ANAPC7: variants seen among roughly 807,000 people sequenced by gnomAD.
ANAPC7 encodes the protein anaphase promoting complex subunit 7.
Under a neutral mutation model 63.3 loss-of-function variants are expected in ANAPC7, and 25 were observed. The ratio of observed to expected loss-of-function variants is 0.39; its 90% CI spans 0.29 to 0.55. The LOEUF (loss-of-function observed/expected upper bound fraction) is 0.55, where lower values mean the gene tolerates loss of function less well. Among genes scored for constraint, ANAPC7 ranks in the 20% least tolerant of loss-of-function variants. The pLI, the probability that ANAPC7 is intolerant of heterozygous loss-of-function variation, is 0.57. For missense variants in ANAPC7, 516 were observed against 691.7 expected (o/e 0.75, Z 2.85); for synonymous variants, 241 against 251.7 (o/e 0.96, Z 0.40).
intron 5 of ANAPC7, chr12:110,387,383 CAGAGAGAG>C (rs1252832527): frequency 0.038 from 513 of 13,582 alleles, 14 homozygotes; most frequent in Middle Eastern, 0.083. Flanking sequence ...GAGAGAGAGA[CAGAGAGAG>C]AGAGAGAGAG....
intron 1 of ANAPC7, among the ~76,000 whole-genome samples, chr12:110,402,690 G>A (rs1163362745): frequency 6.6e-6 from 1 of 152,000 alleles, no homozygotes; most frequent in Non-Finnish European, 1.5e-5. Context: ...TCAGCTCAGT[G>A]CTTCAAGGAA....
At chr12:110,382,459 A>T (rs867958945) in intron 7 of ANAPC7, among the ~76,000 whole-genome samples, 6,936 of 47,020 alleles carry the variant, frequency 0.15, 451 homozygotes, top group African/African-American at 0.17. Context: ...AAAAAAAAAA[A>T]AAATATATAT....
intron 1 of ANAPC7, among the ~76,000 whole-genome samples, chr12:110,397,194 G>A (rs921082093): frequency 2.0e-5 from 3 of 150,574 alleles, no homozygotes; most frequent in East Asian, 2.0e-4. Context: ...GCCAGACTCC[G>A]TCTCAACAAC....
At chr12:110,391,214 C>T (rs1055075010) in intron 3 of ANAPC7, among the ~76,000 whole-genome samples, 1 of 151,972 alleles carries the variant, frequency 6.6e-6, no homozygotes. Context: ...AAAAAGTCAA[C>T]TATTTTAAAA....
In ANAPC7 at chr12:110,374,084, T is replaced by C; in HGVS notation, c.*60A>G. 1 of 1,497,992 alleles carries C rather than the reference T, an allele frequency of 6.7e-7. No individual in the cohort carries two copies. Among genetic ancestry groups the C allele is most frequent in the Non-Finnish European group, 8.9e-7 (1 of 1,124,408 alleles). 92.8% of individuals were successfully genotyped at this position (1,497,992 alleles called of 1,614,324 possible). On this transcript the variant is annotated 3_prime_UTR_variant, in exon 11 of 11. Transcript: ENST00000455511. ...CTGAGAGCAGGCTCCTACGGTTCCT[T>C]CAGTCCACGGAAGTGCTCAGAGCAG...
At chr12:110,382,172 T>C (rs1373094225) in intron 7 of ANAPC7, among the ~76,000 whole-genome samples, 1 of 151,488 alleles carries the variant, frequency 6.6e-6, no homozygotes, top group Non-Finnish European at 1.5e-5. Flanking sequence ...AGAAAAATTA[T>C]GAAAAAGAAC....
At chr12:110,396,135 C>T in intron 2 of ANAPC7, 131 bp downstream of exon 2, 3 of 758,388 alleles carry the variant, frequency 4.0e-6, no homozygotes, top group Non-Finnish European at 6.5e-6. Context: ...ATTCACTAGC[C>T]CTCCACCCAC....
chr12:110,387,335 G>GAGAGAGAGAGAGAGAGA (rs1566269122), intron 5 of ANAPC7: 4 of 22,220 alleles, frequency 1.8e-4, no homozygotes, highest in Non-Finnish European at 3.2e-4. Flanking sequence ...GAGAGAGAGA[G>GAGAGAGAGAGAGAGAGA]GCAGAGAGAG....
At chr12:110,389,349 AG>A (rs1482497139) in intron 3 of ANAPC7, among the ~76,000 whole-genome samples, 2 of 152,238 alleles carry the variant, frequency 1.3e-5, no homozygotes, top group Non-Finnish European at 1.5e-5. Flanking sequence ...CTAGTTAAGA[AG>A]GATCAGCTCA....
chr12:110,386,281 C>T, intron 6 of ANAPC7, 46 bp downstream of exon 6: 2 of 1,606,904 alleles, frequency 1.2e-6, no homozygotes, highest in Non-Finnish European at 1.7e-6. Context: ...TATCTCTGAT[C>T]CCCCCCAACA....
intron 3 of ANAPC7, among the ~76,000 whole-genome samples, chr12:110,389,656 G>A (rs1202926697): frequency 6.6e-6 from 1 of 152,164 alleles, no homozygotes; most frequent in Non-Finnish European, 1.5e-5. Context: ...TTCTGGCCGG[G>A]CGCAGTGGCT....
intron 3 of ANAPC7, among the ~76,000 whole-genome samples, chr12:110,394,799 T>A (rs905850349): frequency 6.6e-6 from 1 of 151,412 alleles, no homozygotes; most frequent in African/African-American, 2.4e-5. Context: ...TGAGCCAGGA[T>A]CACAACACTG....
In ANAPC7 at chr12:110,374,208, A is replaced by G; in HGVS notation, c.1634T>C (p.Leu545Pro). Reference protein sequence around the residue: ...DMEGSGEEGDLEGSDSEAAQW... With the variant: ...DMEGSGEEGDPEGSDSEAAQW... ...GGCCGCCTCACTGTCGCTGCCCTCC[A>G]GGTCCCCTTCTTCCCCACTCCCTTC... is the stretch of plus-strand genomic sequence containing the variant. The change falls in exon 11 of 11, where the codon CTG becomes CCG. Residue 545 changes from leucine (L) to proline (P), a missense_variant. Around this residue, in one of 4 missense-constraint regions of ANAPC7, gnomAD observed 122 missense variants for 212.0 expected, o/e 0.58. Transcript: ENST00000455511. The G allele has an allele frequency of 6.2e-7, 1 of 1,613,980 alleles. No homozygotes were observed. The highest frequency in any genetic ancestry group is 8.5e-7 in the Non-Finnish European group (1 of 1,180,004).
At position 110,374,340 on chromosome 12, in the gene ANAPC7, G is replaced by T; in HGVS notation, c.1509-7C>A. 6.2e-7 allele frequency: 1 copy of T among 1,613,096 alleles called. No homozygotes were observed. The highest frequency in any genetic ancestry group is 8.5e-7 in the Non-Finnish European group (1 of 1,179,344). On this transcript the variant is annotated splice_region_variant and splice_polypyrimidine_tract_variant and intron_variant, in intron 10 of 10. Coordinates refer to ENST00000455511, the MANE Select transcript of ANAPC7 (RefSeq NM_016238.3). ...CTGGTCATTGGGGTCCAAACTAGGGGACAACAAAACAAAGGAGAGGCCTGA... is the reference window on the plus strand; with the variant it reads ...CTGGTCATTGGGGTCCAAACTAGGGTACAACAAAACAAAGGAGAGGCCTGA...
At chr12:110,383,092 A>C in intron 6 of ANAPC7, 132 bp from the exon 7 acceptor site, 4 of 604,724 alleles carry the variant, frequency 6.6e-6, no homozygotes, top group Non-Finnish European at 8.7e-6. Context: ...CCTTTCCACC[A>C]TCACAGGCTC....
intron 1 of ANAPC7, among the ~76,000 whole-genome samples, chr12:110,403,039 G>A (rs1247195422): frequency 6.6e-6 from 1 of 152,200 alleles, no homozygotes; most frequent in Non-Finnish European, 1.5e-5. Context: ...ACCGCGCCCG[G>A]CCCCGTTTTC....
chr12:110,377,585 T>C lies in ANAPC7; in HGVS notation c.1165A>G (p.Ile389Val). The change falls in exon 9 of 11, where the codon ATT becomes GTT. Residue 389 changes from isoleucine (I) to valine (V), a missense_variant. Physicochemically the swap from Ile to Val is conservative, Grantham distance 29. Around this residue, in one of 4 missense-constraint regions of ANAPC7, gnomAD observed 199 missense variants for 249.3 expected, o/e 0.80. Transcript: ENST00000455511. ...LIECYLASNS[I>V]REAMVMANNV... ...TTAGCCATTACCATTGCTTCTCGAATACTGTTGGAGGCTAAGTAACATTCG... is the reference window on the plus strand; with the variant it reads ...TTAGCCATTACCATTGCTTCTCGAACACTGTTGGAGGCTAAGTAACATTCG... 6.2e-7 allele frequency: 1 copy of C among 1,614,204 alleles called. No homozygotes were observed. The highest frequency in any genetic ancestry group is 8.5e-7 in the Non-Finnish European group (1 of 1,180,026).
intron 7 of ANAPC7, 30 bp from the exon 8 acceptor site, chr12:110,381,978 A>T: frequency 6.7e-7 from 1 of 1,497,416 alleles, no homozygotes; most frequent in Non-Finnish European, 8.9e-7. Context: ...AAAAAACACA[A>T]AAACCCCAGA....
rs753319774 is a variant in ANAPC7, at chr12:110,381,879, G to A, written c.1005C>T (p.Asn335=). The A allele has an allele frequency of 6.4e-7, 1 of 1,559,930 alleles. No individual in the cohort carries two copies. Among genetic ancestry groups the A allele is most frequent in the South Asian group, 1.1e-5 (1 of 90,188 alleles). Residue 335 remains asparagine (N), a synonymous_variant, in exon 8 of 11, where the codon AAC becomes AAT. Transcript: ENST00000455511. Reference sequence around the variant, plus strand: ...GTAGCAGAGCTTGAACACTATTACTGTTCAGCTGAATGGCCTTGGCTCCTA... The same window carrying A: ...GTAGCAGAGCTTGAACACTATTACTATTCAGCTGAATGGCCTTGGCTCCTA... ...LYLGAKAIQL[N]SNSVQALLLK... is the part of the protein sequence containing the mutation.
Sources: gnomAD v4.1 joint callset for allele counts (sites outside exome capture counted in the v4.1 genomes callset) on GRCh38, gnomAD v4.1.1 for gene constraint, gnomAD v4.1.1 regional missense constraint, MANE v1.5 for transcripts, NCBI Gene and HGNC (gene_info 2026-07-23, HGNC 2026-07-21) for gene names.